DTNBP1: variants seen among roughly 807,000 people sequenced by gnomAD.
The protein encoded by DTNBP1 is dysbindin.
A neutral mutation model predicts 42.8 loss-of-function variants in DTNBP1; 35 were observed. That is an observed-to-expected ratio of 0.82 (90% CI 0.63 to 1.09). DTNBP1 has a LOEUF of 1.09. Ranked by LOEUF, DTNBP1 falls within the 50% of genes least tolerant of loss-of-function variation. DTNBP1 has a pLI of 0.00. For synonymous variants in DTNBP1, 171 were observed against 162.2 expected (o/e 1.05, Z -0.41); for missense variants, 457 against 424.2 (o/e 1.08, Z -0.68).
chr6:15,553,531 G>T (rs1774332713), intron 7 of DTNBP1, among the ~76,000 whole-genome samples: 1 of 145,096 alleles, frequency 6.9e-6, no homozygotes, highest in Non-Finnish European at 1.5e-5. Flanking sequence ...TTCCTCACAT[G>T]CAGAGGAACA....
intron 3 of DTNBP1, among the ~76,000 whole-genome samples, chr6:15,643,701 AAAG>A (rs1760513180): frequency 6.6e-6 from 1 of 152,170 alleles, no homozygotes; most frequent in Admixed American, 6.5e-5. Context: ...CTTCATAAAC[AAAG>A]AAGAAATGAA....
Position 15,585,942 on chromosome 6 carries a change from T to TGA in DTNBP1, c.511+7116_511+7117insTC, listed in dbSNP as rs1776063162. 2.2e-6 allele frequency: 3 copies of TGA among 1,366,374 alleles called. No homozygotes were observed. In the African/African-American group the frequency reaches 4.4e-5, roughly 20 times the overall value. 84.6% of individuals were successfully genotyped at this position (1,366,374 alleles called of 1,614,324 possible). A position where few individuals can be genotyped will look rare whatever the true frequency, so the allele number is the denominator to read the frequency against. ...GCCTATTAGTTTTTTGCTGATGGCT[T>TGA]AAGCAGATATACATTGGAATCTACT... On this transcript the variant is annotated intron_variant, in intron 7 of 9. Coordinates refer to ENST00000344537, the MANE Select transcript of DTNBP1 (RefSeq NM_032122.5).
intron 3 of DTNBP1, among the ~76,000 whole-genome samples, chr6:15,649,264 C>A (rs189023970): frequency 2.6e-5 from 4 of 152,234 alleles, no homozygotes; most frequent in Admixed American, 2.6e-4. Context: ...GGAAGCAACT[C>A]AAGTGTCCAT....
rs192166343 is a variant in DTNBP1 at position 15,533,185 on chromosome 6, C to T, written c.667+55G>A. ...CCCTGCTCTGGGGAGAGGGGTCCAT[C>T]GCCACCCCGCACAGCCGGTGAGTCC... is the stretch of plus-strand genomic sequence containing the variant. On this transcript the variant is annotated intron_variant, in intron 8 of 9. Coordinates refer to ENST00000344537, the MANE Select transcript of DTNBP1 (RefSeq NM_032122.5). 111 of 1,606,978 alleles carry T rather than the reference C, an allele frequency of 6.9e-5. No homozygotes were observed. In the East Asian group the frequency reaches 2.1e-3, roughly 31 times the overall value.
At chr6:15,552,698 C>T (rs1774280682) in intron 7 of DTNBP1, among the ~76,000 whole-genome samples, 1 of 152,106 alleles carries the variant, frequency 6.6e-6, no homozygotes, top group African/African-American at 2.4e-5. Context: ...AACTTATAAA[C>T]TGAGCTAACA....
rs1465256895 is a variant in DTNBP1 at position 15,523,163 on chromosome 6, C to T, written c.868G>A (p.Glu290Lys). ...EITLQVPNPS[E>K]LRAKPPSSSS... ...GAAGAAGGTGGCTTGGCTCTTAATT[C>T]TGAGGGATTTGGAACCTGGAGGGTA... The change falls in exon 10 of 10, where the codon GAA (glutamate) becomes AAA (lysine). Residue 290 changes from glutamate (E) to lysine (K), a missense_variant. Physicochemically the swap from Glu to Lys is moderately conservative, Grantham distance 56. Coordinates refer to ENST00000344537, the MANE Select transcript of DTNBP1 (RefSeq NM_032122.5). The T allele has an allele frequency of 4.3e-6, 7 of 1,614,122 alleles. No individual in the cohort carries two copies. Among genetic ancestry groups the T allele is most frequent in the Non-Finnish European group, 5.9e-6 (7 of 1,180,050 alleles).
At chr6:15,637,936 G>GACAC in intron 3 of DTNBP1, 132 bp from the exon 4 acceptor site, 1 of 952,790 alleles carries the variant, frequency 1.0e-6, no homozygotes, top group Non-Finnish European at 1.6e-6. Flanking sequence ...ATGTTGCAAG[G>GACAC]ACACAGACGT....
intron 6 of DTNBP1, among the ~76,000 whole-genome samples, chr6:15,610,662 C>G (rs781677934): frequency 1.3e-5 from 2 of 152,112 alleles, no homozygotes; most frequent in Non-Finnish European, 2.9e-5. Flanking sequence ...AACACATGAA[C>G]GATAAGAAAA....
intron 7 of DTNBP1, among the ~76,000 whole-genome samples, chr6:15,566,971 G>C (rs577245877): frequency 6.6e-6 from 1 of 152,074 alleles, no homozygotes; most frequent in African/African-American, 2.4e-5. Context: ...GTTTACAGGC[G>C]TGAGCCATTA....
chr6:15,535,278 G>A (rs2127800145), intron 7 of DTNBP1, among the ~76,000 whole-genome samples: 1 of 152,212 alleles, frequency 6.6e-6, no homozygotes, highest in Non-Finnish European at 1.5e-5. Flanking sequence ...CAGCCATGCA[G>A]AGCTGTGAGT....
At position 15,522,950 on chromosome 6, in the gene DTNBP1, G is replaced by A; in HGVS notation, c.*25C>T. 1 of 1,614,218 alleles carries A rather than the reference G, an allele frequency of 6.2e-7. No homozygotes were observed. Among genetic ancestry groups the A allele is most frequent in the Non-Finnish European group, 8.5e-7 (1 of 1,180,044 alleles). ...TACAGCCAAAACTGGATTCCAGTGT[G>A]GCCAGACAACGCCCATGTCCCAATT... On this transcript the variant is annotated 3_prime_UTR_variant, in exon 10 of 10. Coordinates refer to ENST00000344537, the MANE Select transcript of DTNBP1 (RefSeq NM_032122.5).
At chr6:15,532,893 T>C (rs1772960725) in intron 8 of DTNBP1, among the ~76,000 whole-genome samples, 1 of 151,886 alleles carries the variant, frequency 6.6e-6, no homozygotes, top group Non-Finnish European at 1.5e-5. Context: ...GAGATGAGGT[T>C]TCACCATGTT....
intron 8 of DTNBP1, among the ~76,000 whole-genome samples, chr6:15,531,741 C>T (rs1772843780): frequency 6.6e-6 from 1 of 152,176 alleles, no homozygotes; most frequent in Non-Finnish European, 1.5e-5. Flanking sequence ...TCAAGTGATT[C>T]TCCTGCCTCA....
rs550723319 is a variant in DTNBP1 at position 15,649,399 on chromosome 6, G to A, written c.161+1914C>T. On this transcript the variant is annotated intron_variant, in intron 3 of 9. Transcript: ENST00000344537. ...AACATTATGCTAAATGAAATAAGCC[G>A]GTCACACACAAAAGTACTTTATAAT... 3.9e-5 allele frequency among the ~76,000 whole-genome samples: 6 copies of A among 152,176 alleles called. No individual in the cohort carries two copies. In the East Asian group the frequency reaches 7.7e-4, roughly 20 times the overall value.
chr6:15,530,118 T>A (rs1772712282), intron 8 of DTNBP1, among the ~76,000 whole-genome samples: 2 of 152,264 alleles, frequency 1.3e-5, no homozygotes, highest in South Asian at 4.1e-4. Flanking sequence ...TATTTCTGAT[T>A]TAGTGGAATG....
At chr6:15,594,015 A>AG (rs1776403601) in intron 6 of DTNBP1, among the ~76,000 whole-genome samples, 2 of 152,222 alleles carry the variant, frequency 1.3e-5, no homozygotes, top group African/African-American at 4.8e-5. Context: ...GCCTACTGAA[A>AG]GGCCAAGTAG....
At chr6:15,542,439 T>C (rs1345439043) in intron 7 of DTNBP1, among the ~76,000 whole-genome samples, 2 of 152,194 alleles carry the variant, frequency 1.3e-5, no homozygotes, top group African/African-American at 4.8e-5. Context: ...TGGTACGATT[T>C]TGGCTCACTG....
chr6:15,532,741 C>T (rs1241836513), intron 8 of DTNBP1, among the ~76,000 whole-genome samples: 1 of 140,640 alleles, frequency 7.1e-6, no homozygotes, highest in Non-Finnish European at 1.5e-5. Context: ...ACTCTGCCAC[C>T]TAGGCCGGAG....
intron 7 of DTNBP1, among the ~76,000 whole-genome samples, chr6:15,572,181 A>G (rs946197511): frequency 6.6e-6 from 1 of 152,174 alleles, no homozygotes; most frequent in African/African-American, 2.4e-5. Flanking sequence ...TCTCATACAA[A>G]TGAGAAAAAA....
Sources: gnomAD v4.1 joint callset for allele counts (sites outside exome capture counted in the v4.1 genomes callset) on GRCh38, gnomAD v4.1.1 for gene constraint, MANE v1.5 for transcripts, NCBI Gene and HGNC (gene_info 2026-07-23, HGNC 2026-07-21) for gene names.